The following FARS2 variants were observed in gnomAD, a reference collection of about 807,000 sequenced individuals.
FARS2 encodes the protein phenylalanine--tRNA ligase, mitochondrial.
FARS2 carries 40 observed loss-of-function variants against 46.4 expected under a neutral mutation model. The ratio of observed to expected loss-of-function variants is 0.86; its 90% CI spans 0.67 to 1.12. The LOEUF is 1.12. Among genes scored for constraint, FARS2 ranks in the 50% most tolerant of loss-of-function variants. FARS2 has a pLI of 0.00. For missense variants in FARS2, 513 were observed against 567.9 expected, an observed-to-expected ratio of 0.90 and a Z score of 0.98; for synonymous variants, 234 against 214.9, an observed-to-expected ratio of 1.09 and a Z score of -0.78.
At chr6:5,402,432 G>T (rs1372075696) in intron 2 of FARS2, among the ~76,000 whole-genome samples, 1 of 151,598 alleles carries the variant, frequency 6.6e-6, no homozygotes, top group African/African-American at 2.4e-5. Flanking sequence ...CATTAGTTGA[G>T]CTCTTTTGAA....
chr6:5,498,041 TG>T (rs1767574128), intron 4 of FARS2, among the ~76,000 whole-genome samples: 1 of 152,186 alleles, frequency 6.6e-6, no homozygotes, highest in Non-Finnish European at 1.5e-5. Flanking sequence ...TTTCACCTAC[TG>T]TGCTGGGGGC....
intron 6 of FARS2, among the ~76,000 whole-genome samples, chr6:5,723,626 T>C (rs1051214387): frequency 6.6e-6 from 1 of 152,234 alleles, no homozygotes; most frequent in African/African-American, 2.4e-5. Context: ...TTTTCCTTTC[T>C]TTATGTAACT....
At chr6:5,422,209 C>T (rs945411972) in intron 3 of FARS2, among the ~76,000 whole-genome samples, 2 of 152,158 alleles carry the variant, frequency 1.3e-5, no homozygotes, top group Admixed American at 6.5e-5. Context: ...TTCACTATCA[C>T]GAGAACAGCA....
At chr6:5,724,279 G>T (rs1760112498) in intron 6 of FARS2, among the ~76,000 whole-genome samples, 1 of 152,248 alleles carries the variant, frequency 6.6e-6, no homozygotes, top group African/African-American at 2.4e-5. Context: ...GGGTGATTCT[G>T]GGTTCCAGGA....
At chr6:5,682,989 G>A (rs1475734728) in intron 6 of FARS2, among the ~76,000 whole-genome samples, 6 of 152,264 alleles carry the variant, frequency 3.9e-5, no homozygotes, top group African/African-American at 1.4e-4. Flanking sequence ...GCAGAACCGA[G>A]TTTGACATGG....
intron 6 of FARS2, among the ~76,000 whole-genome samples, chr6:5,745,714 A>AT (rs1219533998): frequency 1.3e-5 from 2 of 152,036 alleles, no homozygotes; most frequent in Non-Finnish European, 2.9e-5. Flanking sequence ...TAATTTATGT[A>AT]TTTTTTGTAG....
At chr6:5,617,785 G>T (rs1775553153) in intron 6 of FARS2, among the ~76,000 whole-genome samples, 1 of 152,208 alleles carries the variant, frequency 6.6e-6, no homozygotes. Context: ...CCTGGGGCTT[G>T]AATCTGTGTC....
chr6:5,410,022 G>T (rs1761844607), intron 3 of FARS2, among the ~76,000 whole-genome samples: 1 of 152,324 alleles, frequency 6.6e-6, no homozygotes, highest in African/African-American at 2.4e-5. Flanking sequence ...GAGTGAGAGG[G>T]TCTGTATCAC....
At chr6:5,292,443 T>G (rs551399580) in intron 1 of FARS2, among the ~76,000 whole-genome samples, 5 of 152,126 alleles carry the variant, frequency 3.3e-5, no homozygotes, top group African/African-American at 1.2e-4. Flanking sequence ...ATAGACAAAA[T>G]GGAGAGATGG....
intron 1 of FARS2, among the ~76,000 whole-genome samples, chr6:5,265,796 T>C (rs1053368310): frequency 6.6e-6 from 1 of 152,246 alleles, no homozygotes; most frequent in Admixed American, 6.5e-5. Context: ...ATAACTTTTC[T>C]ACCATCCTGT....
chr6:5,441,342 A>G (rs1165538746), intron 4 of FARS2, among the ~76,000 whole-genome samples: 1 of 152,128 alleles, frequency 6.6e-6, no homozygotes, highest in African/African-American at 2.4e-5. Flanking sequence ...TCCTCTGTGT[A>G]TCCCTCCCTG....
intron 2 of FARS2, among the ~76,000 whole-genome samples, chr6:5,393,009 A>G (rs1456191547): frequency 1.3e-5 from 2 of 150,902 alleles, no homozygotes; most frequent in African/African-American, 2.4e-5. Flanking sequence ...TTATTAAAAT[A>G]TATGTAAAAT....
intron 6 of FARS2, among the ~76,000 whole-genome samples, chr6:5,766,296 A>G (rs1006378739): frequency 6.6e-6 from 1 of 152,154 alleles, no homozygotes; most frequent in African/African-American, 2.4e-5. Context: ...CCCGGCCCCC[A>G]TGCTCTTACC....
Position 5,404,771 on chromosome 6 carries a change from GT to G in FARS2, c.772+86del, listed in dbSNP as rs35291527. The G allele has an allele frequency of 0.21, 131,502 of 614,956 alleles. 2,556 individuals are homozygous for G. The highest frequency in any genetic ancestry group is 0.35 in the East Asian group (9,699 of 27,620). The allele number at this position is 614,956 out of a possible 1,614,324, so 38.1% of individuals were successfully genotyped here. A position where few individuals can be genotyped will look rare whatever the true frequency, so the allele number is the denominator to read the frequency against. On this transcript the variant is annotated intron_variant, in intron 3 of 6. Transcript: ENST00000274680. ...TGGGACAGAAGTGTTTTGGATTTGGGTTTTTTTTTTTTTTTTCATATTTTGA... is the reference window on the plus strand; with the variant it reads ...TGGGACAGAAGTGTTTTGGATTTGGGTTTTTTTTTTTTTTTCATATTTTGA...
intron 1 of FARS2, among the ~76,000 whole-genome samples, chr6:5,296,571 G>C (rs535447516): frequency 1.3e-5 from 2 of 151,934 alleles, no homozygotes; most frequent in African/African-American, 4.8e-5. Context: ...CAGTAAACAC[G>C]AACTCCCCAT....
At chr6:5,533,803 A>G (rs1466667306) in intron 4 of FARS2, among the ~76,000 whole-genome samples, 1 of 152,198 alleles carries the variant, frequency 6.6e-6, no homozygotes, top group Non-Finnish European at 1.5e-5. Context: ...GTTACCCCGG[A>G]CATGACTGCC....
chr6:5,266,793 T>A (rs1765577887), intron 1 of FARS2, among the ~76,000 whole-genome samples: 1 of 152,252 alleles, frequency 6.6e-6, no homozygotes, highest in Non-Finnish European at 1.5e-5. Context: ...TCTGGGAATC[T>A]CAAATGTTGA....
chr6:5,680,739 C>CTTT (rs11441342), intron 6 of FARS2, among the ~76,000 whole-genome samples: 1 of 143,380 alleles, frequency 7.0e-6, no homozygotes, highest in African/African-American at 2.5e-5. Context: ...CAGACGTTGT[C>CTTT]TTTTTTTTTT....
At chr6:5,760,659 T>C (rs539995163) in intron 6 of FARS2, among the ~76,000 whole-genome samples, 1 of 152,368 alleles carries the variant, frequency 6.6e-6, no homozygotes, top group South Asian at 2.1e-4. Context: ...CCCATTTCTG[T>C]ACTCTACCGT....
Sources: allele counts gnomAD v4.1 joint callset (sites outside exome capture counted in the v4.1 genomes callset), GRCh38; gene constraint gnomAD v4.1.1; transcripts MANE v1.5; gene names NCBI Gene and HGNC (gene_info 2026-07-23, HGNC 2026-07-21).